The following NOL4 variants were observed in gnomAD, a reference collection of about 807,000 sequenced individuals.
NOL4 encodes cancer/testis antigen 125.
In NOL4, 17 loss-of-function variants were observed where a neutral mutation model predicts 75.9. The ratio of observed to expected loss-of-function variants is 0.22; its 90% CI spans 0.15 to 0.34. The LOEUF (loss-of-function observed/expected upper bound fraction) is 0.34. Ranked by LOEUF, NOL4 falls within the 10% of genes least tolerant of loss-of-function variation. The pLI is 1.00. For missense variants in NOL4, 614 were observed against 793.5 expected (o/e 0.77, Z 2.72); for synonymous variants, 292 against 289.9 (o/e 1.01, Z -0.07).
intron 6 of NOL4, among the ~76,000 whole-genome samples, chr18:33,968,558 G>A (rs529403782): frequency 6.6e-6 from 1 of 151,974 alleles, no homozygotes; most frequent in Admixed American, 6.6e-5. Context: ...CACTTATAAG[G>A]GAATATAAAC....
At position 34,140,759 on chromosome 18, in the gene NOL4, A is replaced by C. The variant is rs141457563; in HGVS notation, c.265-10739T>G. The stretch of plus-strand genomic sequence containing the variant: ...GGGTATATTGGTCGCTAGTTGATGC[A>C]GTTTCTTCCTAGCATCAGTGGTCTT... On this transcript the variant is annotated intron_variant, in intron 1 of 10. Transcript: ENST00000261592. Among the ~76,000 whole-genome samples the C allele has an allele frequency of 7.2e-5, 11 of 152,234 alleles. No homozygotes were observed. The East Asian group carries it at 1.9e-3, about 27-fold the overall frequency.
intron 1 of NOL4, 79 bp downstream of exon 1, chr18:34,222,911 T>C (rs1055339157): frequency 3.2e-6 from 5 of 1,545,488 alleles, no homozygotes; most frequent in Non-Finnish European, 3.5e-6. Flanking sequence ...CGGCTCCCCC[T>C]CTCTCCCGCC....
chr18:33,877,234 A>T (rs2063982884), intron 10 of NOL4, among the ~76,000 whole-genome samples: 1 of 151,900 alleles, frequency 6.6e-6, no homozygotes, highest in Non-Finnish European at 1.5e-5. Flanking sequence ...ATAAGAACCA[A>T]AGCAGGAAGA....
At chr18:34,138,513 C>A (rs1005138070) in intron 1 of NOL4, among the ~76,000 whole-genome samples, 1 of 152,056 alleles carries the variant, frequency 6.6e-6, no homozygotes, top group Non-Finnish European at 1.5e-5. Context: ...TTAGGAGGGA[C>A]AAAATGTTCC....
chr18:34,165,781 CT>C (rs1276432845), intron 1 of NOL4, among the ~76,000 whole-genome samples: 6 of 150,838 alleles, frequency 4.0e-5, no homozygotes, highest in South Asian at 4.1e-4. Flanking sequence ...AGAGGTGATT[CT>C]TTTTTTCTTC....
chr18:33,934,861 C>CT (rs1568087191), intron 9 of NOL4, among the ~76,000 whole-genome samples: 3 of 141,476 alleles, frequency 2.1e-5, no homozygotes, highest in African/African-American at 8.0e-5. Context: ...TGGAGTAGCA[C>CT]GTTTTTTTTT....
At chr18:33,853,148 G>T in intron 10 of NOL4, 113 bp from the exon 11 acceptor site, 4 of 881,046 alleles carry the variant, frequency 4.5e-6, no homozygotes, top group Non-Finnish European at 3.4e-6. Context: ...TCCACAAGAA[G>T]CTAGTGATCT....
intron 9 of NOL4, among the ~76,000 whole-genome samples, chr18:33,887,061 A>C (rs1439330427): frequency 7.2e-6 from 1 of 138,686 alleles, no homozygotes; most frequent in Non-Finnish European, 1.5e-5. Context: ...ATATATATCT[A>C]TATATAATAT....
chr18:34,086,846 A>T (rs1264917404), intron 5 of NOL4, among the ~76,000 whole-genome samples: 1 of 152,138 alleles, frequency 6.6e-6, no homozygotes, highest in Non-Finnish European at 1.5e-5. Flanking sequence ...GTAGAATAGG[A>T]GCATTTTCAA....
intron 3 of NOL4, 124 bp downstream of exon 3, chr18:34,104,925 A>T (rs2079199530): frequency 1.7e-6 from 1 of 582,512 alleles, no homozygotes; most frequent in African/African-American, 1.9e-5. Context: ...CTCCTACTTG[A>T]ATAAATGAGA....
In NOL4 at chr18:34,104,145, G is replaced by A. The variant is rs755425999; in HGVS notation, c.541C>T (p.Pro181Ser). 5 of 1,609,544 alleles carry A rather than the reference G, an allele frequency of 3.1e-6. No individual in the cohort carries two copies. The highest frequency in any genetic ancestry group is 2.7e-5 in the African/African-American group (2 of 74,778). Reference sequence around the variant, plus strand: ...TCAATCATGCTGGTCACCAAAGTGGGAGGTTTTCCATTATCTGTAATAAAA... The same window carrying A: ...TCAATCATGCTGGTCACCAAAGTGGAAGGTTTTCCATTATCTGTAATAAAA... ...GTDHKDNGKP[P>S]TLVTSMIDYN... Residue 181 changes from proline (P) to serine (S), a missense_variant, in exon 4 of 11, where the codon CCC becomes TCC. Pro to Ser is a moderately conservative substitution (Grantham distance 74). This residue lies in a region of NOL4 where 135 missense variants were observed against 220.4 expected (regional missense o/e 0.61). Transcript: ENST00000261592.
At chr18:33,941,900 G>A (rs1417486413) in intron 9 of NOL4, among the ~76,000 whole-genome samples, 3 of 151,682 alleles carry the variant, frequency 2.0e-5, no homozygotes, top group Non-Finnish European at 2.9e-5. Context: ...CCTAACAGAG[G>A]GCACATATAT....
chr18:33,972,463 A>G (rs2071150515), intron 6 of NOL4, among the ~76,000 whole-genome samples: 1 of 152,164 alleles, frequency 6.6e-6, no homozygotes, highest in South Asian at 2.1e-4. Flanking sequence ...TATTTTTAAA[A>G]AAGTGTTGAG....
At chr18:33,868,651 A>T (rs1372342667) in intron 10 of NOL4, among the ~76,000 whole-genome samples, 1 of 106,580 alleles carries the variant, frequency 9.4e-6, no homozygotes, top group South Asian at 3.0e-4. Context: ...CCTGTATTTC[A>T]CACACACACA....
intron 6 of NOL4, among the ~76,000 whole-genome samples, chr18:34,011,679 A>G (rs1209948890): frequency 6.6e-6 from 1 of 151,868 alleles, no homozygotes; most frequent in Non-Finnish European, 1.5e-5. Context: ...AAACAAATAA[A>G]CAAAAATTAA....
At chr18:34,014,801 G>A (rs995385795) in intron 6 of NOL4, among the ~76,000 whole-genome samples, 1 of 152,020 alleles carries the variant, frequency 6.6e-6, no homozygotes, top group East Asian at 1.9e-4. Flanking sequence ...TTCCCTGCTA[G>A]TCTAGTGAGT....
intron 10 of NOL4, among the ~76,000 whole-genome samples, chr18:33,878,343 A>G (rs2064055417): frequency 1.3e-5 from 2 of 152,162 alleles, no homozygotes; most frequent in South Asian, 2.1e-4. Flanking sequence ...CTTTCTTACC[A>G]CTGGTAGCTC....
intron 9 of NOL4, among the ~76,000 whole-genome samples, chr18:33,887,081 T>C (rs899043600): frequency 3.5e-5 from 5 of 141,130 alleles, no homozygotes; most frequent in African/African-American, 1.3e-4. Flanking sequence ...TATATATCTA[T>C]ATATATTAGA....
chr18:33,990,482 C>T (rs2072837396), intron 6 of NOL4, among the ~76,000 whole-genome samples: 1 of 151,968 alleles, frequency 6.6e-6, no homozygotes, highest in Non-Finnish European at 1.5e-5. Context: ...CCTGGCCTTC[C>T]CTGAGTCCCT....
Sources: gnomAD v4.1 joint callset for allele counts (sites outside exome capture counted in the v4.1 genomes callset) on GRCh38, gnomAD v4.1.1 for gene constraint, gnomAD v4.1.1 regional missense constraint, MANE v1.5 for transcripts, NCBI Gene and HGNC (gene_info 2026-07-23, HGNC 2026-07-21) for gene names.